MYBBP1A: variants seen among roughly 807,000 people sequenced by gnomAD.
MYBBP1A encodes the protein MYB binding protein 1a.
A neutral mutation model predicts 136.3 loss-of-function variants in MYBBP1A; 147 were observed. That is an observed-to-expected ratio of 1.08 (90% CI 0.94 to 1.24). MYBBP1A has a LOEUF of 1.24. Ranked by LOEUF, MYBBP1A falls within the 50% of genes most tolerant of loss-of-function variation. MYBBP1A has a pLI of 0.00. For synonymous variants in MYBBP1A, 947 were observed against 735.8 expected (o/e 1.29, Z -4.65); for missense variants, 2,060 against 1,727.4 (o/e 1.19, Z -3.41).
intron 22 of MYBBP1A, 137 bp downstream of exon 22, chr17:4,542,327 G>C (rs1429535290): frequency 9.7e-7 from 1 of 1,028,140 alleles, no homozygotes; most frequent in African/African-American, 1.6e-5. Flanking sequence ...TGTACCCACA[G>C]CCAAGCCAGT....
In MYBBP1A at chr17:4,545,599, T is replaced by C. The variant is rs1906931224; in HGVS notation, c.2073+11A>G. 1 of 1,571,564 alleles carries C rather than the reference T, an allele frequency of 6.4e-7. No homozygotes were observed. Among genetic ancestry groups the C allele is most frequent in the African/African-American group, 1.3e-5 (1 of 74,078 alleles). ...CCAGCCCACATTCCACTCCCAAAGG[T>C]CCCAACTCACATCCAGAATTAGCTG... On this transcript the variant is annotated intron_variant, in intron 15 of 25. Coordinates refer to ENST00000254718, the MANE Select transcript of MYBBP1A (RefSeq NM_014520.4).
intron 24 of MYBBP1A, among the ~76,000 whole-genome samples, chr17:4,540,927 C>A (rs543347178): frequency 1.8e-4 from 28 of 152,380 alleles, no homozygotes; most frequent in African/African-American, 6.5e-4. Context: ...TTTTGTAAGG[C>A]CCCGTCCCGG....
At chr17:4,540,315 A>T (rs772923475) in intron 25 of MYBBP1A, 33 bp downstream of exon 25, 2 of 1,572,566 alleles carry the variant, frequency 1.3e-6, no homozygotes, top group South Asian at 2.3e-5. Context: ...CCCAGCCCCT[A>T]CCCAAGGTGT....
In MYBBP1A at chr17:4,545,887, CTT is replaced by C. The variant is rs754373825; in HGVS notation, c.1878_1879del (p.Leu628GlyfsTer71). Reference sequence around the variant, plus strand: ...GCTCCGGCGGGGCTTCTCTCCCAGACTTTTCCTGATGCAGGTCTGGATGTCAC... The same window carrying C: ...GCTCCGGCGGGGCTTCTCTCCCAGACTTCCTGATGCAGGTCTGGATGTCAC... On this transcript the variant is annotated frameshift_variant, in exon 14 of 26. Transcript: ENST00000254718. LOFTEE classifies it high-confidence loss of function. The C allele has an allele frequency of 6.2e-7, 1 of 1,613,420 alleles. No individual in the cohort carries two copies. Among genetic ancestry groups the C allele is most frequent in the Non-Finnish European group, 8.5e-7 (1 of 1,180,018 alleles).
chr17:4,543,286 G>T, intron 19 of MYBBP1A, 121 bp from the exon 20 acceptor site: 2 of 1,360,268 alleles, frequency 1.5e-6, no homozygotes, highest in Non-Finnish European at 1.9e-6. Flanking sequence ...CGACAGAGGC[G>T]ACCCAGGCCA....
rs766709881 is a variant in MYBBP1A at position 4,545,143 on chromosome 17, G to A, written c.2193C>T (p.Ser731=). 1.2e-6 allele frequency: 2 copies of A among 1,613,198 alleles called. No homozygotes were observed. The highest frequency in any genetic ancestry group is 1.1e-5 in the South Asian group (1 of 91,048). Reference sequence around the variant, plus strand: ...CCTCGCTCTCCTCTTCACTCTCTGAGCTTCTGTTGTCCTCACCTTCCTCGC... The same window carrying A: ...CCTCGCTCTCCTCTTCACTCTCTGAACTTCTGTTGTCCTCACCTTCCTCGC... ...DKSEEGEDNR[S]SESEEESEGE... The change falls in exon 17 of 26, where the codon AGC becomes AGT. Residue 731 remains serine (S), a synonymous_variant. Coordinates refer to ENST00000254718, the MANE Select transcript of MYBBP1A (RefSeq NM_014520.4).
At position 4,543,159 on chromosome 17, in the gene MYBBP1A, G is replaced by A. The variant is rs767581060; in HGVS notation, c.2646C>T (p.His882=). 3 of 1,604,372 alleles carry A rather than the reference G, an allele frequency of 1.9e-6. No individual in the cohort carries two copies. In the Admixed American group the frequency reaches 5.0e-5, roughly 27 times the overall value. ...GGCAGTAGCGCCGGGCACGGCACAG[G>A]TGGTGCCTGTGGGTGGTGAGGACGA... ...LHKTARIFTH[H]LCRARRYCHD... Residue 882 remains histidine, a synonymous_variant, in exon 20 of 26, where the codon CAC becomes CAT. Coordinates refer to ENST00000254718, the MANE Select transcript of MYBBP1A (RefSeq NM_014520.4).
intron 23 of MYBBP1A, 92 bp from the exon 24 acceptor site, chr17:4,541,656 G>T: frequency 1.4e-6 from 2 of 1,462,778 alleles, no homozygotes; most frequent in South Asian, 2.3e-5. Context: ...GGCAGGGACC[G>T]TCTCCTGGGA....
chr17:4,551,294 G>A (rs1336413828), intron 8 of MYBBP1A, among the ~76,000 whole-genome samples: 1 of 152,218 alleles, frequency 6.6e-6, no homozygotes, highest in African/African-American at 2.4e-5. Context: ...GCCCAAACAT[G>A]GTCATGACGA....
chr17:4,554,357 T>TC, intron 2 of MYBBP1A, 79 bp from the exon 3 acceptor site: 1 of 1,272,636 alleles, frequency 7.9e-7, no homozygotes, highest in Non-Finnish European at 1.1e-6. Context: ...TAACCTCCCT[T>TC]CCCCCTTCAA....
In MYBBP1A at chr17:4,548,540, T is replaced by TG. The variant is rs1827126074; in HGVS notation, c.1539dup (p.Ser514GlnfsTer102). The TG allele has an allele frequency of 1.9e-6, 3 of 1,614,046 alleles. No individual in the cohort carries two copies. The highest frequency in any genetic ancestry group is 2.5e-6 in the Non-Finnish European group (3 of 1,180,042). On this transcript the variant is annotated frameshift_variant, in exon 11 of 26. Transcript: ENST00000254718. LOFTEE classifies it high-confidence loss of function. This position sits in a 1 kb window ranked among gnomAD's most constrained non-coding sequence, Gnocchi z 4.2. ...AAGACTCACCTGAAGAAGGCACTGC[T>TG]GACAGCCTCTCGGGCCTGGTTTTCC... is the stretch of plus-strand genomic sequence containing the variant.
Position 4,550,174 on chromosome 17 carries a change from C to G in MYBBP1A, c.1203G>C (p.Pro401=). Residue 401 remains proline, a synonymous_variant, in exon 9 of 26, where the codon CCG becomes CCC. Transcript: ENST00000254718. The stretch of plus-strand genomic sequence containing the variant: ...GCCAGGCCACATAGCCCTGCAGGGC[C>G]GGAGGGCTCAGGAACCGCACGACCC... ...FWRVVRFLSP[P]ALQGYVAWLR... 1 of 1,613,908 alleles carries G rather than the reference C, an allele frequency of 6.2e-7. No homozygotes were observed. The highest frequency in any genetic ancestry group is 8.5e-7 in the Non-Finnish European group (1 of 1,180,042).
Position 4,555,153 on chromosome 17 carries a change from G to A in MYBBP1A, c.172C>T (p.Leu58=), listed in dbSNP as rs374991077. The change falls in exon 1 of 26, where the codon CTG becomes TTG. Residue 58 remains leucine, a synonymous_variant. Coordinates refer to ENST00000254718, the MANE Select transcript of MYBBP1A (RefSeq NM_014520.4). ...TTCGGCCTGCCACGCAGATACTCCA[G>A]CAGCTTCTCCGTGGCCGCAAGTCGC... ...ETRLAATEKL[L]EYLRGRPKGS... 345 of 1,599,918 alleles carry A rather than the reference G, an allele frequency of 2.2e-4. No individual in the cohort carries two copies. Among genetic ancestry groups the A allele is most frequent in the Admixed American group, 1.1e-3 (63 of 58,494 alleles).
Position 4,551,970 on chromosome 17 carries a change from C to T in MYBBP1A, c.933G>A (p.Ala311=), listed in dbSNP as rs149464957. Reference sequence around the variant, plus strand: ...GCTCCTTGGTCAGCAGGGGCAGGGCCGCGCCCAGCAGGCGGAAACACAGGT... The same window carrying T: ...GCTCCTTGGTCAGCAGGGGCAGGGCTGCGCCCAGCAGGCGGAAACACAGGT... ...ASYLCFRLLG[A]ALPLLTKEQL... Residue 311 remains alanine, a synonymous_variant, in exon 8 of 26, where the codon GCG becomes GCA. Transcript: ENST00000254718. The T allele has an allele frequency of 5.2e-5, 84 of 1,611,034 alleles. No homozygotes were observed. Among genetic ancestry groups the T allele is most frequent in the Admixed American group, 1.8e-4 (11 of 59,982 alleles).
Position 4,539,394 on chromosome 17 carries a change from G to C in MYBBP1A, c.*21C>G, listed in dbSNP as rs375516117. The C allele has an allele frequency of 2.5e-6, 4 of 1,571,126 alleles. No individual in the cohort carries two copies. Among genetic ancestry groups the C allele is most frequent in the Non-Finnish European group, 3.5e-6 (4 of 1,158,414 alleles). On this transcript the variant is annotated 3_prime_UTR_variant, in exon 26 of 26. Transcript: ENST00000254718. Reference sequence around the variant, plus strand: ...TCTCAGGCAGATGGAGGCAGGGGCTGAGGGGGGCCCGTACCTGTGCTCAGG... The same window carrying C: ...TCTCAGGCAGATGGAGGCAGGGGCTCAGGGGGGCCCGTACCTGTGCTCAGG...
Position 4,544,660 on chromosome 17 carries a change from G to A in MYBBP1A, c.2482-14C>T, listed in dbSNP as rs1238023019. On this transcript the variant is annotated splice_polypyrimidine_tract_variant and intron_variant, in intron 18 of 25. Coordinates refer to ENST00000254718, the MANE Select transcript of MYBBP1A (RefSeq NM_014520.4). ...CAGGTCCAGCACCTGCAGCCAGGAGGGCAGGTCAGCAACACGGGGGTGGGC... is the reference window on the plus strand; with the variant it reads ...CAGGTCCAGCACCTGCAGCCAGGAGAGCAGGTCAGCAACACGGGGGTGGGC... 7.0e-6 allele frequency: 11 copies of A among 1,566,442 alleles called. No homozygotes were observed. Among genetic ancestry groups the A allele is most frequent in the East Asian group, 4.6e-5 (2 of 43,332 alleles).
At position 4,544,589 on chromosome 17, in the gene MYBBP1A, C is replaced by A; in HGVS notation, c.2539G>T (p.Glu847Ter). The change falls in exon 19 of 26, where the codon GAG (glutamate) becomes TAG (stop). Residue 847 changes from glutamate to a stop codon, truncating the protein, a stop_gained. Coordinates refer to ENST00000254718, the MANE Select transcript of MYBBP1A (RefSeq NM_014520.4). LOFTEE classifies it high-confidence loss of function. ...ATGCTCAGCAGCGGCTCCAGCAGCT[C>A]CAGGACCAGGGCATTCTCGGGCTGC... is the stretch of plus-strand genomic sequence containing the variant. ...TKQPENALVL[E>*]LLEPLLSIIR... is the part of the protein sequence containing the mutation. The A allele has an allele frequency of 3.8e-6, 6 of 1,580,858 alleles. No homozygotes were observed. The highest frequency in any genetic ancestry group is 5.2e-6 in the Non-Finnish European group (6 of 1,163,926).
rs768449210 is a variant in MYBBP1A, at chr17:4,539,915, T to G, written c.3487A>C (p.Ser1163Arg). The G allele has an allele frequency of 4.4e-6, 7 of 1,600,108 alleles. No homozygotes were observed. In the African/African-American group the frequency reaches 6.7e-5, roughly 15 times the overall value. The change falls in exon 26 of 26, where the codon AGC (serine) becomes CGC (arginine). Residue 1163 changes from serine (S) to arginine (R), a missense_variant. Coordinates refer to ENST00000254718, the MANE Select transcript of MYBBP1A (RefSeq NM_014520.4). ...TTCTTCCGCTTCTTACTGATGGGGC[T>G]CTGGGTGGCACTGGGGATCTCCTTG... ...DAKEIPSATQ[S>R]PISKKRKKKG...
rs1906198294 is a variant in MYBBP1A at position 4,539,866 on chromosome 17, T to TTCG, written c.3533_3535dup (p.Thr1178dup). On this transcript the variant is annotated inframe_insertion, in exon 26 of 26. Coordinates refer to ENST00000254718, the MANE Select transcript of MYBBP1A (RefSeq NM_014520.4). The stretch of plus-strand genomic sequence containing the variant: ...CTCTGACTTGCGTTTCTTGCGCTTC[T>TTCG]TCGTCTCTGGCAAGAATCCCTTTTT... The TTCG allele has an allele frequency of 1.9e-6, 3 of 1,606,190 alleles. No individual in the cohort carries two copies. In the South Asian group the frequency reaches 3.3e-5, roughly 18 times the overall value.
Sources: allele counts gnomAD v4.1 joint callset (sites outside exome capture counted in the v4.1 genomes callset), GRCh38; gene constraint gnomAD v4.1.1; non-coding constraint Gnocchi (gnomAD v3.1); transcripts MANE v1.5; gene names NCBI Gene and HGNC (gene_info 2026-07-23, HGNC 2026-07-21).